The following DLGAP2 variants were observed in gnomAD, a reference collection of about 807,000 sequenced individuals.
The protein encoded by DLGAP2 is DLG associated protein 2, also known as disks large-associated protein 2.
In DLGAP2, 26 loss-of-function variants were observed where a neutral mutation model predicts 100.3. The ratio of observed to expected loss-of-function variants is 0.26; its 90% CI spans 0.19 to 0.36. DLGAP2 has a LOEUF of 0.36. Ranked by LOEUF, DLGAP2 falls within the 10% of genes least tolerant of loss-of-function variation. The probability of loss-of-function intolerance (pLI) is 1.00; values close to 1 mark genes in which losing one functional copy is unlikely to be tolerated. For missense variants in DLGAP2, 1,858 were observed against 1,453.2 expected (o/e 1.28, Z -4.53); for synonymous variants, 886 against 630.1 (o/e 1.41, Z -6.08).
chr8:987,284 C>T (rs954765911), intron 2 of DLGAP2, among the ~76,000 whole-genome samples: 3 of 152,056 alleles, frequency 2.0e-5, no homozygotes, highest in Non-Finnish European at 4.4e-5. Flanking sequence ...ATGGTGAGCT[C>T]AGCTGCAGGT....
chr8:1,229,910 A>G (rs746339605), intron 2 of DLGAP2, among the ~76,000 whole-genome samples: 2 of 152,192 alleles, frequency 1.3e-5, no homozygotes, highest in Admixed American at 1.3e-4. Flanking sequence ...CACAGCCAAC[A>G]TTAATACTGA....
At chr8:1,214,648 G>C (rs1204816639) in intron 2 of DLGAP2, among the ~76,000 whole-genome samples, 2 of 152,178 alleles carry the variant, frequency 1.3e-5, no homozygotes, top group Admixed American at 1.3e-4. Flanking sequence ...TCTGTTTTCA[G>C]TTAGGCTCTG....
At chr8:1,488,789 A>G (rs971267267) in intron 3 of DLGAP2, among the ~76,000 whole-genome samples, 1 of 152,140 alleles carries the variant, frequency 6.6e-6, no homozygotes, top group Non-Finnish European at 1.5e-5. Flanking sequence ...CCCTCCTCTC[A>G]GGCAGCTGCA....
At chr8:964,365 C>T (rs1020176728) in intron 2 of DLGAP2, among the ~76,000 whole-genome samples, 2 of 152,226 alleles carry the variant, frequency 1.3e-5, no homozygotes, top group Non-Finnish European at 2.9e-5. Context: ...TGCTGCGACG[C>T]AGTTGTCACT....
chr8:1,249,803 G>T (rs535013126), intron 2 of DLGAP2, among the ~76,000 whole-genome samples: 1 of 152,188 alleles, frequency 6.6e-6, no homozygotes, highest in African/African-American at 2.4e-5. Context: ...GTGCACATCC[G>T]TTAGGCAGTG....
chr8:1,064,801 A>G (rs1803194836), intron 2 of DLGAP2, among the ~76,000 whole-genome samples: 1 of 152,206 alleles, frequency 6.6e-6, no homozygotes, highest in Non-Finnish European at 1.5e-5. Context: ...AGAGGGACAA[A>G]TGCTTATTAG....
intron 2 of DLGAP2, among the ~76,000 whole-genome samples, chr8:1,064,335 A>G (rs1803178997): frequency 6.6e-6 from 1 of 152,252 alleles, no homozygotes; most frequent in Non-Finnish European, 1.5e-5. Context: ...TATAGCTGCA[A>G]GAGGTACACA....
rs148841684 is a variant in DLGAP2, at chr8:1,454,707, G to T, written c.107-46659G>T. On this transcript the variant is annotated intron_variant, in intron 3 of 14. Transcript: ENST00000637795. ...TTTCTCTAAGGGAGTTCAGCTTGAG[G>T]GCTGAGATATCTGTTTTGTGGTTCA... 1.3e-4 allele frequency among the ~76,000 whole-genome samples: 20 copies of T among 152,298 alleles called. 1 individual carries two copies. In the East Asian group the frequency reaches 3.9e-3, roughly 29 times the overall value.
chr8:1,113,356 G>T (rs1397682555), intron 2 of DLGAP2, among the ~76,000 whole-genome samples: 3 of 152,270 alleles, frequency 2.0e-5, no homozygotes, highest in Non-Finnish European at 2.9e-5. Flanking sequence ...TTTTCCATTT[G>T]TGCATTCTCA....
chr8:1,216,057 A>C (rs563949294), intron 2 of DLGAP2, among the ~76,000 whole-genome samples: 1 of 152,196 alleles, frequency 6.6e-6, no homozygotes, highest in African/African-American at 2.4e-5. Flanking sequence ...GCATCTGTGC[A>C]TTGGTTGGCT....
intron 3 of DLGAP2, among the ~76,000 whole-genome samples, chr8:1,308,013 C>T (rs1800529497): frequency 6.6e-6 from 1 of 152,152 alleles, no homozygotes; most frequent in Admixed American, 6.5e-5. Context: ...GAGTATTTTA[C>T]CACCGTTTTT....
intron 12 of DLGAP2, among the ~76,000 whole-genome samples, chr8:1,679,437 C>G (rs538641931): frequency 1.1e-3 from 159 of 141,720 alleles, no homozygotes; most frequent in Non-Finnish European, 1.7e-3. Flanking sequence ...TGTCATTCCT[C>G]TACGGGAGTC....
chr8:1,210,494 G>A (rs964021145), intron 2 of DLGAP2, among the ~76,000 whole-genome samples: 5 of 152,182 alleles, frequency 3.3e-5, no homozygotes, highest in East Asian at 3.9e-4. Flanking sequence ...GCCCTGAGGC[G>A]GGCAGGCAGC....
chr8:888,682 C>A (rs1386263626), intron 1 of DLGAP2, among the ~76,000 whole-genome samples: 1 of 151,370 alleles, frequency 6.6e-6, no homozygotes, highest in Non-Finnish European at 1.5e-5. Flanking sequence ...AGGCCCTATT[C>A]ATCTGACTCA....
chr8:1,544,731 G>T (rs1259193681), intron 4 of DLGAP2, among the ~76,000 whole-genome samples: 5 of 135,004 alleles, frequency 3.7e-5, no homozygotes, highest in East Asian at 4.6e-4. Flanking sequence ...TAGTATTTTT[G>T]AGGATTTTTT....
chr8:1,007,651 T>G (rs1801160225), intron 2 of DLGAP2, among the ~76,000 whole-genome samples: 1 of 149,210 alleles, frequency 6.7e-6, no homozygotes. Flanking sequence ...GGGGATCTTC[T>G]GTGAGTCAAC....
intron 2 of DLGAP2, among the ~76,000 whole-genome samples, chr8:1,178,407 G>A (rs1420708967): frequency 3.3e-5 from 5 of 152,110 alleles, no homozygotes; most frequent in Non-Finnish European, 7.4e-5. Context: ...CTTCCTTAAT[G>A]GATTTGGGGG....
rs1352370065 is a variant in DLGAP2 at position 1,460,543 on chromosome 8, C to T, written c.107-40823C>T. On this transcript the variant is annotated intron_variant, in intron 3 of 14. Transcript: ENST00000637795. ...TTCCTGGAGCCACAGTGGATCACAGCAGAGCATGGTGACTCGACGGTCTCT... is the reference window on the plus strand; with the variant it reads ...TTCCTGGAGCCACAGTGGATCACAGTAGAGCATGGTGACTCGACGGTCTCT... 2.0e-5 allele frequency among the ~76,000 whole-genome samples: 3 copies of T among 152,184 alleles called. No individual in the cohort carries two copies. In the South Asian group the frequency reaches 6.2e-4, roughly 32 times the overall value.
At chr8:1,384,169 G>C (rs1396212539) in intron 3 of DLGAP2, among the ~76,000 whole-genome samples, 4 of 152,258 alleles carry the variant, frequency 2.6e-5, no homozygotes, top group African/African-American at 9.6e-5. Context: ...AAGTTACTGT[G>C]ACCAAAGGAT....
Sources: gnomAD v4.1 joint callset for allele counts (sites outside exome capture counted in the v4.1 genomes callset) on GRCh38, gnomAD v4.1.1 for gene constraint, MANE v1.5 for transcripts, NCBI Gene and HGNC (gene_info 2026-07-23, HGNC 2026-07-21) for gene names.